The following ZFYVE28 variants were observed in gnomAD, a reference collection of about 807,000 sequenced individuals.
ZFYVE28 encodes the protein lateral signaling target protein 2 homolog.
Under a neutral mutation model 82.1 loss-of-function variants are expected in ZFYVE28, and 40 were observed. The ratio of observed to expected loss-of-function variants is 0.49; its 90% confidence interval spans 0.38 to 0.63. ZFYVE28 has a LOEUF of 0.63. Among genes scored for constraint, ZFYVE28 ranks in the 30% least tolerant of loss-of-function variants. ZFYVE28 has a pLI of 0.00. For synonymous variants in ZFYVE28, 612 were observed against 546.1 expected (o/e 1.12, Z -1.68); for missense variants, 1,321 against 1,242.1 (o/e 1.06, Z -0.96).
Position 2,304,373 on chromosome 4 carries a change from G to A in ZFYVE28, c.1967C>T (p.Ala656Val), listed in dbSNP as rs773916418. The A allele has an allele frequency of 3.1e-6, 5 of 1,611,438 alleles. No individual in the cohort carries two copies. Among genetic ancestry groups the A allele is most frequent in the South Asian group, 1.1e-5 (1 of 91,092 alleles). The change falls in exon 8 of 13, where the codon GCA becomes GTA. Residue 656 changes from alanine to valine, a missense_variant. Coordinates refer to ENST00000290974, the MANE Select transcript of ZFYVE28 (RefSeq NM_020972.3). ...ASGLQGEAGV[A>V]GQQEPEAREL... ...TCTGGCCTCTGGCTCCTGCTGACCT[G>A]CAACCCCAGCCTCTCCTTGCAGCCC...
At chr4:2,366,959 T>C (rs1375238446) in intron 1 of ZFYVE28, among the ~76,000 whole-genome samples, 1 of 152,218 alleles carries the variant, frequency 6.6e-6, no homozygotes, top group Non-Finnish European at 1.5e-5. Context: ...TAATTGCAAA[T>C]CTAGCAAAGC....
At chr4:2,377,801 CGATGTGA>C (rs1386272158) in intron 1 of ZFYVE28, among the ~76,000 whole-genome samples, 1 of 152,130 alleles carries the variant, frequency 6.6e-6, no homozygotes, top group Non-Finnish European at 1.5e-5. Context: ...TATTTCTGAA[CGATGTGA>C]ATATGTTCTC....
chr4:2,321,820 A>T (rs561595586), intron 6 of ZFYVE28, among the ~76,000 whole-genome samples: 1 of 151,706 alleles, frequency 6.6e-6, no homozygotes, highest in Admixed American at 6.6e-5. Context: ...CCCTCTGGAA[A>T]CCTCGCTCCT....
At position 2,270,623 on chromosome 4, in the gene ZFYVE28, C is replaced by T. The variant is rs554655707; in HGVS notation, c.*102G>A. ...GGAGGTCTGGGTGCCCCTGCAGCAG[C>T]GGCAGCGGCCTCATGAGACGCAGTG... is the stretch of plus-strand genomic sequence containing the variant. On this transcript the variant is annotated 3_prime_UTR_variant, in exon 13 of 13. Coordinates refer to ENST00000290974, the MANE Select transcript of ZFYVE28 (RefSeq NM_020972.3). 48 of 1,513,462 alleles carry T rather than the reference C, an allele frequency of 3.2e-5. No individual in the cohort carries two copies. The highest frequency in any genetic ancestry group is 3.8e-5 in the Admixed American group (2 of 52,644). 93.8% of individuals were successfully genotyped at this position (1,513,462 alleles called of 1,614,324 possible). A position where few individuals can be genotyped will look rare whatever the true frequency, so the allele number is the denominator to read the frequency against.
At chr4:2,303,001 C>CACCT (rs1173886601) in intron 8 of ZFYVE28, among the ~76,000 whole-genome samples, 2 of 152,238 alleles carry the variant, frequency 1.3e-5, no homozygotes, top group East Asian at 3.8e-4. Context: ...AGTCTGGAAC[C>CACCT]ACCTGTACGT....
chr4:2,349,204 CA>C (rs1325901279), intron 2 of ZFYVE28, among the ~76,000 whole-genome samples: 1 of 151,936 alleles, frequency 6.6e-6, no homozygotes, highest in African/African-American at 2.4e-5. Context: ...ACACAGTTTA[CA>C]ATTGTTTATG....
At chr4:2,272,808 C>G (rs551129786) in intron 10 of ZFYVE28, among the ~76,000 whole-genome samples, 2 of 152,356 alleles carry the variant, frequency 1.3e-5, no homozygotes, top group Non-Finnish European at 2.9e-5. Context: ...GTTCTCCCAG[C>G]CTCCATCAGA....
At position 2,332,588 on chromosome 4, in the gene ZFYVE28, TA is replaced by T. The variant is rs1210752628; in HGVS notation, c.701+3116del. ...TACAAGCACAGGGCGAGGTATGCAG[TA>T]GGCACTCAATACTTGCTCACTGAAT... On this transcript the variant is annotated intron_variant, in intron 6 of 12. Transcript: ENST00000290974. The surrounding 1 kb of genome is among the most constrained non-coding windows in gnomAD (Gnocchi z 4.7). Among the ~76,000 whole-genome samples, 1 of 152,174 alleles carries T rather than the reference TA, an allele frequency of 6.6e-6. No individual in the cohort carries two copies. The highest frequency in any genetic ancestry group is 1.5e-5 in the Non-Finnish European group (1 of 68,012).
chr4:2,374,477 A>G (rs925428153), intron 1 of ZFYVE28, among the ~76,000 whole-genome samples: 3 of 152,090 alleles, frequency 2.0e-5, no homozygotes, highest in Non-Finnish European at 2.9e-5. Context: ...GCTGGATGTA[A>G]TAATGCACAC....
chr4:2,384,152 C>A (rs1439699862), intron 1 of ZFYVE28, among the ~76,000 whole-genome samples: 1 of 152,148 alleles, frequency 6.6e-6, no homozygotes, highest in African/African-American at 2.4e-5. Flanking sequence ...AGGGAAGAGG[C>A]CCCCGGGACT....
Position 2,418,324 on chromosome 4 carries a change from C to T in ZFYVE28, c.-1G>A. 9.9e-6 allele frequency: 15 copies of T among 1,521,932 alleles called. No homozygotes were observed. The highest frequency in any genetic ancestry group is 1.3e-5 in the Non-Finnish European group (15 of 1,133,080). 94.3% of individuals were successfully genotyped at this position (1,521,932 alleles called of 1,614,324 possible). A position where few individuals can be genotyped will look rare whatever the true frequency, so the allele number is the denominator to read the frequency against. On this transcript the variant is annotated 5_prime_UTR_variant, in exon 1 of 13. Transcript: ENST00000290974. This position sits in a 1 kb window ranked among gnomAD's most constrained non-coding sequence, Gnocchi z 4.6. Reference sequence around the variant, plus strand: ...GCCACTTTCGGAACCTGTTCATCATCGCCGCGCCGGCCCTGGCCGGACTCC... The same window carrying T: ...GCCACTTTCGGAACCTGTTCATCATTGCCGCGCCGGCCCTGGCCGGACTCC...
intron 8 of ZFYVE28, among the ~76,000 whole-genome samples, chr4:2,276,946 T>TAA (rs1036868356): frequency 6.6e-6 from 1 of 151,884 alleles, no homozygotes; most frequent in Non-Finnish European, 1.5e-5. Context: ...TAGGAAGGGC[T>TAA]AAATAGTAAA....
rs1470460847 is a variant in ZFYVE28 at position 2,339,427 on chromosome 4, G to A, written c.521+26C>T. Reference sequence around the variant, plus strand: ...AACCGTCCCCCAGCTCATACAGCCAGGGCTGTGGACCCACAGCTGCAGTAC... The same window carrying A: ...AACCGTCCCCCAGCTCATACAGCCAAGGCTGTGGACCCACAGCTGCAGTAC... On this transcript the variant is annotated intron_variant, in intron 4 of 12. Coordinates refer to ENST00000290974, the MANE Select transcript of ZFYVE28 (RefSeq NM_020972.3). This position sits in a 1 kb window ranked among gnomAD's most constrained non-coding sequence, Gnocchi z 5.0. 6.8e-6 allele frequency: 11 copies of A among 1,607,994 alleles called. No individual in the cohort carries two copies. In the East Asian group the frequency reaches 1.8e-4, roughly 26 times the overall value.
At chr4:2,368,229 A>AAAAAAAAAAAAAC (rs1727122511) in intron 1 of ZFYVE28, among the ~76,000 whole-genome samples, 1 of 148,838 alleles carries the variant, frequency 6.7e-6, no homozygotes, top group Admixed American at 6.7e-5. Context: ...AAAAAAAAAA[A>AAAAAAAAAAAAAC]ACACTGTATC....
In ZFYVE28 at chr4:2,339,174, T is replaced by A. The variant is rs657189; in HGVS notation, c.521+279A>T. On this transcript the variant is annotated intron_variant, in intron 4 of 12. Transcript: ENST00000290974. The surrounding 1 kb of genome is among the most constrained non-coding windows in gnomAD (Gnocchi z 5.0). ...CATCTTCCGAGGCATCATGCATGTC[T>A]GGCCCCTCGGGCCTCTCCAAAGCCC... 3.3e-5 allele frequency among the ~76,000 whole-genome samples: 5 copies of A among 152,088 alleles called. No individual in the cohort carries two copies. The highest frequency in any genetic ancestry group is 4.8e-5 in the African/African-American group (2 of 41,424).
At chr4:2,279,009 C>T (rs1236804535) in intron 8 of ZFYVE28, among the ~76,000 whole-genome samples, 5 of 151,258 alleles carry the variant, frequency 3.3e-5, no homozygotes, top group African/African-American at 1.2e-4. Flanking sequence ...AACTGGAATC[C>T]TCCTCTCTTC....
At chr4:2,364,761 C>G in intron 1 of ZFYVE28, 1 of 985,530 alleles carries the variant, frequency 1.0e-6, no homozygotes, top group Non-Finnish European at 1.2e-6. Context: ...GCATTCCCGC[C>G]GCCGCGCCCT....
chr4:2,348,279 AC>A (rs1381705676), intron 2 of ZFYVE28, among the ~76,000 whole-genome samples: 1 of 152,220 alleles, frequency 6.6e-6, no homozygotes, highest in African/African-American at 2.4e-5. Flanking sequence ...TAATGTGAAA[AC>A]CCTATATTTA....
Position 2,355,258 on chromosome 4 carries a change from AT to A in ZFYVE28, c.40-1186del, listed in dbSNP as rs1725122095. ...TATATATATATATATATATATATAT[AT>A]ATATATATATATAATGATTCTTCTT... On this transcript the variant is annotated intron_variant, in intron 1 of 12. Transcript: ENST00000290974. 2.1e-3 allele frequency among the ~76,000 whole-genome samples: 31 copies of A among 14,808 alleles called. 3 individuals carry two copies. The highest frequency in any genetic ancestry group is 3.4e-3 in the African/African-American group (8 of 2,380). The allele number at this position is 14,808 out of a possible 152,430, so 9.7% of individuals were successfully genotyped here.
Sources: gnomAD v4.1 joint callset for allele counts (sites outside exome capture counted in the v4.1 genomes callset) on GRCh38, gnomAD v4.1.1 for gene constraint, Gnocchi (gnomAD v3.1) non-coding constraint, MANE v1.5 for transcripts, NCBI Gene and HGNC (gene_info 2026-07-23, HGNC 2026-07-21) for gene names.